The following GMDS variants were observed in gnomAD, a reference collection of about 807,000 sequenced individuals.
The protein encoded by GMDS is GDP-mannose 4,6 dehydratase.
In GMDS, 20 loss-of-function variants were observed where a neutral mutation model predicts 49.9. The observed-to-expected ratio is 0.40, with a 90% CI of 0.28 to 0.58. GMDS has a LOEUF of 0.58. Among genes scored for constraint, GMDS ranks in the 20% least tolerant of loss-of-function variants. GMDS has a pLI of 0.42. For synonymous variants in GMDS, 177 were observed against 178.6 expected, an observed-to-expected ratio of 0.99 and a Z score of 0.07; for missense variants, 362 against 481.4, an observed-to-expected ratio of 0.75 and a Z score of 2.32.
chr6:2,068,156 G>C (rs1007267470), intron 4 of GMDS, among the ~76,000 whole-genome samples: 2 of 151,576 alleles, frequency 1.3e-5, no homozygotes, highest in Non-Finnish European at 2.9e-5. Flanking sequence ...CAGAACCAAA[G>C]ACAAAAACCA....
intron 4 of GMDS, among the ~76,000 whole-genome samples, chr6:2,017,100 A>C (rs1767949427): frequency 6.6e-6 from 1 of 152,166 alleles, no homozygotes; most frequent in African/African-American, 2.4e-5. Context: ...AAAATCAATG[A>C]AGCCAAAGGT....
At chr6:1,991,768 T>C (rs560416676) in intron 4 of GMDS, among the ~76,000 whole-genome samples, 6 of 152,330 alleles carry the variant, frequency 3.9e-5, no homozygotes, top group Non-Finnish European at 7.4e-5. Context: ...CAACTCAGAA[T>C]GTGATCTCAT....
intron 7 of GMDS, among the ~76,000 whole-genome samples, chr6:1,801,190 A>C (rs1224308835): frequency 1.3e-5 from 2 of 152,232 alleles, no homozygotes; most frequent in African/African-American, 4.8e-5. Flanking sequence ...TCAGGAACAG[A>C]GAAATATTCT....
chr6:1,937,663 A>C (rs1272899681), intron 6 of GMDS, among the ~76,000 whole-genome samples: 1 of 152,320 alleles, frequency 6.6e-6, no homozygotes, highest in African/African-American at 2.4e-5. Flanking sequence ...ATGTGTGTCT[A>C]TGTCTCTGGC....
chr6:2,227,385 A>G (rs983407588), intron 1 of GMDS, among the ~76,000 whole-genome samples: 1 of 152,184 alleles, frequency 6.6e-6, no homozygotes, highest in African/African-American at 2.4e-5. Flanking sequence ...AACCTGCCCA[A>G]GTAATTCTAT....
intron 7 of GMDS, among the ~76,000 whole-genome samples, chr6:1,745,385 CTGTTGG>C (rs1767447020): frequency 7.7e-6 from 1 of 129,118 alleles, no homozygotes; most frequent in Admixed American, 8.0e-5. Context: ...AGAAACTTGA[CTGTTGG>C]CTACTGGTGG....
At chr6:1,756,308 G>C (rs1767943124) in intron 7 of GMDS, among the ~76,000 whole-genome samples, 1 of 142,822 alleles carries the variant, frequency 7.0e-6, no homozygotes, top group African/African-American at 2.7e-5. Context: ...TTGTCTCCCT[G>C]GCTGGAGTAC....
intron 1 of GMDS, among the ~76,000 whole-genome samples, chr6:2,159,954 T>C (rs894306017): frequency 3.9e-5 from 6 of 152,128 alleles, no homozygotes; most frequent in African/African-American, 1.4e-4. Flanking sequence ...ATATATAAAA[T>C]ATGCAATTTT....
rs190326845 is a variant in GMDS at position 2,130,882 on chromosome 6, T to G, written c.103-6151A>C. On this transcript the variant is annotated intron_variant, in intron 1 of 10. Transcript: ENST00000380815. ...AAATGGTACAGACGTGTTTTTTCAT[T>G]TTTTGACTGGTAGTAACACTACAGA... Among the ~76,000 whole-genome samples, 864 of 152,306 alleles carry G rather than the reference T, an allele frequency of 5.7e-3. 2 individuals are homozygous for G. Among genetic ancestry groups the G allele is most frequent in the Middle Eastern group, 0.017 (5 of 294 alleles).
chr6:2,197,883 C>T (rs1022475331), intron 1 of GMDS, among the ~76,000 whole-genome samples: 10 of 152,154 alleles, frequency 6.6e-5, no homozygotes, highest in African/African-American at 1.9e-4. Flanking sequence ...TTCTGTCATT[C>T]ATTTCCTCAA....
intron 6 of GMDS, among the ~76,000 whole-genome samples, chr6:1,948,802 A>C (rs1763205990): frequency 6.6e-6 from 1 of 152,224 alleles, no homozygotes; most frequent in Non-Finnish European, 1.5e-5. Flanking sequence ...TTTACCTGCC[A>C]AAATCTCGTT....
intron 9 of GMDS, among the ~76,000 whole-genome samples, chr6:1,698,506 T>A (rs1765422370): frequency 6.6e-6 from 1 of 152,204 alleles, no homozygotes; most frequent in Admixed American, 6.5e-5. Context: ...GCTTCTTTCA[T>A]CTCTGGGGAC....
intron 1 of GMDS, among the ~76,000 whole-genome samples, chr6:2,207,086 G>T (rs1186388005): frequency 6.6e-6 from 1 of 152,206 alleles, no homozygotes; most frequent in African/African-American, 2.4e-5. Context: ...ACATAAGTTA[G>T]AATCCAACAC....
At chr6:1,743,369 G>A (rs368957361) in intron 7 of GMDS, among the ~76,000 whole-genome samples, 3 of 139,142 alleles carry the variant, frequency 2.2e-5, no homozygotes, top group Admixed American at 7.3e-5. Context: ...GGGAAACCCC[G>A]TCTCTACTAA....
chr6:1,933,360 G>A (rs1435086224), intron 6 of GMDS, among the ~76,000 whole-genome samples: 1 of 152,114 alleles, frequency 6.6e-6, no homozygotes, highest in Non-Finnish European at 1.5e-5. Context: ...TTTTGTGAAC[G>A]TATGCTTTAA....
At position 1,687,953 on chromosome 6, in the gene GMDS, T is replaced by G. The variant is rs528533006; in HGVS notation, c.987+38463A>C. Among the ~76,000 whole-genome samples the G allele has an allele frequency of 4.0e-5, 6 of 151,844 alleles. No homozygotes were observed. In the East Asian group the frequency reaches 1.2e-3, roughly 29 times the overall value. On this transcript the variant is annotated intron_variant, in intron 9 of 10. Transcript: ENST00000380815. ...ACTGAGAGAGCTGTAAAGCCACAGG[T>G]GGGTTCTGAATGAGAGGTAATGTGG...
chr6:1,799,951 T>C (rs1387852687), intron 7 of GMDS, among the ~76,000 whole-genome samples: 1 of 152,184 alleles, frequency 6.6e-6, no homozygotes, highest in Non-Finnish European at 1.5e-5. Context: ...TAGTAGGTCA[T>C]TCATACCTTA....
chr6:2,222,870 A>G (rs1463056368), intron 1 of GMDS, among the ~76,000 whole-genome samples: 1 of 152,170 alleles, frequency 6.6e-6, no homozygotes, highest in African/African-American at 2.4e-5. Context: ...GCTATTTTTT[A>G]GATGTGATTA....
intron 1 of GMDS, among the ~76,000 whole-genome samples, chr6:2,136,004 T>C (rs977585889): frequency 3.9e-5 from 6 of 152,170 alleles, no homozygotes; most frequent in African/African-American, 1.4e-4. Flanking sequence ...CTAGGATATA[T>C]GATATAGTCT....
Sources: allele counts gnomAD v4.1 joint callset (sites outside exome capture counted in the v4.1 genomes callset), GRCh38; gene constraint gnomAD v4.1.1; transcripts MANE v1.5; gene names NCBI Gene and HGNC (gene_info 2026-07-23, HGNC 2026-07-21).